Variants in MAP3K12 observed in about 807,000 individuals in gnomAD.
The protein encoded by MAP3K12 is mitogen-activated protein kinase kinase kinase 12.
MAP3K12 carries 14 observed loss-of-function variants against 87.5 expected under a neutral mutation model. The observed-to-expected ratio is 0.16, with a 90% CI of 0.11 to 0.25. The LOEUF is 0.25. MAP3K12 is among the 10% of genes least tolerant of loss of function. The pLI is 1.00. For synonymous variants in MAP3K12, 469 were observed against 452.5 expected, an observed-to-expected ratio of 1.04 and a Z score of -0.46; for missense variants, 802 against 1,140.4, an observed-to-expected ratio of 0.70 and a Z score of 4.27.
At chr12:53,483,276 C>T (rs1410494051) in intron 10 of MAP3K12, 73 bp downstream of exon 10, 77 of 1,580,246 alleles carry the variant, frequency 4.9e-5, no homozygotes, top group Non-Finnish European at 2.6e-6. Flanking sequence ...AAGTACACAT[C>T]TCCCTGCTAA....
rs1208495814 is a variant in MAP3K12, at chr12:53,483,381, A to G, written c.1581T>C (p.Asn527=). 3.1e-6 allele frequency: 5 copies of G among 1,614,076 alleles called. No individual in the cohort carries two copies. Among genetic ancestry groups the G allele is most frequent in the Non-Finnish European group, 4.2e-6 (5 of 1,180,024 alleles). ...TATGGGGTGACAGCTTCTGTGGCAC[A>G]TTCCTCTTCTTGATAAGCTTCTCCA... The part of the protein sequence containing the change: ...NTMEKLIKKR[N]VPQKLSPHSK... The change falls in exon 10 of 14, where the codon AAT becomes AAC. Residue 527 remains asparagine, a synonymous_variant. Transcript: ENST00000547488.
At position 53,479,915 on chromosome 12, in the gene MAP3K12, G is replaced by A. The variant is rs1055768202; in HGVS notation, c.*1267C>T. Reference sequence around the variant, plus strand: ...AAAGGACCCTTCTTGGGTTTTGAATGGAAGCCTTTATTCCGGTTAAGATGT... The same window carrying A: ...AAAGGACCCTTCTTGGGTTTTGAATAGAAGCCTTTATTCCGGTTAAGATGT... On this transcript the variant is annotated 3_prime_UTR_variant, in exon 14 of 14. Transcript: ENST00000547488. 1.3e-5 allele frequency: 2 copies of A among 152,312 alleles called. No individual in the cohort carries two copies. The highest frequency in any genetic ancestry group is 4.8e-5 in the African/African-American group (2 of 41,376). 9.4% of individuals were successfully genotyped at this position (152,312 alleles called of 1,614,324 possible).
In MAP3K12 at chr12:53,479,674, T is replaced by TTTTTTTTTTTTG; in HGVS notation, c.*1507_*1508insCAAAAAAAAAAA. ...TAGTTTTATAAGCTTCTCCCTGGTT[T>TTTTTTTTTTTTG]TTTTTTTTTGGCTCATGAATTTTTC... On this transcript the variant is annotated 3_prime_UTR_variant, in exon 14 of 14. Coordinates refer to ENST00000547488, the MANE Select transcript of MAP3K12 (RefSeq NM_001193511.2). 2.6e-6 allele frequency: 1 copy of TTTTTTTTTTTTG among 385,566 alleles called. No individual in the cohort carries two copies. The highest frequency in any genetic ancestry group is 4.6e-6 in the Non-Finnish European group (1 of 215,934). The allele number at this position is 385,566 out of a possible 1,614,324, so 23.9% of individuals were successfully genotyped here.
intron 6 of MAP3K12, chr12:53,484,712 G>A (rs1943177458): frequency 2.2e-6 from 1 of 448,762 alleles, no homozygotes; most frequent in Non-Finnish European, 4.0e-6. Context: ...TGAGGGTCTG[G>A]GGTCCTTTCC....
At position 53,481,098 on chromosome 12, in the gene MAP3K12, T is replaced by G; in HGVS notation, c.*84A>C. 1 of 578,896 alleles carries G rather than the reference T, an allele frequency of 1.7e-6. No homozygotes were observed. The highest frequency in any genetic ancestry group is 2.3e-6 in the Non-Finnish European group (1 of 426,494). The allele number at this position is 578,896 out of a possible 1,614,324, so 35.9% of individuals were successfully genotyped here. A position where few individuals can be genotyped will look rare whatever the true frequency, so the allele number is the denominator to read the frequency against. On this transcript the variant is annotated 3_prime_UTR_variant, in exon 14 of 14. Transcript: ENST00000547488. Reference sequence around the variant, plus strand: ...TGGGACAGCCCCATCTTTCTGTTGATTATGTGGCGCATATATATATATATA... The same window carrying G: ...TGGGACAGCCCCATCTTTCTGTTGAGTATGTGGCGCATATATATATATATA...
chr12:53,491,422 G>C (rs1943401400), intron 1 of MAP3K12, among the ~76,000 whole-genome samples: 1 of 150,854 alleles, frequency 6.6e-6, no homozygotes, highest in Admixed American at 6.6e-5. Flanking sequence ...CCGTTTTACA[G>C]ACTAAGGCAT....
intron 1 of MAP3K12, among the ~76,000 whole-genome samples, chr12:53,489,002 C>T: frequency 6.6e-6 from 1 of 151,038 alleles, no homozygotes; most frequent in East Asian, 1.9e-4. Context: ...ATCACTTGAA[C>T]CCCAGAGGTG....
At position 53,482,897 on chromosome 12, in the gene MAP3K12, G is replaced by T. The variant is rs1278127368; in HGVS notation, c.1906C>A (p.Leu636Ile). ...GGGGACGATGAAGACATTTTGCGGAGCAGGAGGTCATGATGAAGCCCACGG... is the reference window on the plus strand; with the variant it reads ...GGGGACGATGAAGACATTTTGCGGATCAGGAGGTCATGATGAAGCCCACGG... ...ALRGLHHDLL[L>I]RKMSSSSPDL... Residue 636 changes from leucine to isoleucine, a missense_variant, in exon 11 of 14, where the codon CTC (leucine) becomes ATC (isoleucine). By Grantham distance (5) the Leu-to-Ile change is conservative (BLOSUM62 2). Around this residue, in one of 5 missense-constraint regions of MAP3K12, gnomAD observed 490 missense variants for 496.6 expected, o/e 0.99. Transcript: ENST00000547488. 1.9e-6 allele frequency: 3 copies of T among 1,611,406 alleles called. No homozygotes were observed. The Admixed American group carries it at 5.0e-5, about 27-fold the overall frequency.
At chr12:53,489,153 G>GAAAC (rs111648716) in intron 1 of MAP3K12, among the ~76,000 whole-genome samples, 1,692 of 146,510 alleles carry the variant, frequency 0.012, 23 homozygotes, top group African/African-American at 0.04. Flanking sequence ...ACCAAAAATA[G>GAAAC]AAACAAACAA....
chr12:53,481,586 G>A lies in MAP3K12; in HGVS notation c.2581-306C>T, dbSNP rs1038895175. On this transcript the variant is annotated intron_variant, in intron 13 of 13. Coordinates refer to ENST00000547488, the MANE Select transcript of MAP3K12 (RefSeq NM_001193511.2). Reference sequence around the variant, plus strand: ...GCTGGTCTTGAACTCCTGACCTTGTGATCCACCCGCCTCGGCCTCCCAAAG... The same window carrying A: ...GCTGGTCTTGAACTCCTGACCTTGTAATCCACCCGCCTCGGCCTCCCAAAG... The A allele has an allele frequency of 3.1e-5, 10 of 320,198 alleles. No homozygotes were observed. The South Asian group carries it at 4.5e-4, about 14-fold the overall frequency. 19.8% of individuals were successfully genotyped at this position (320,198 alleles called of 1,614,324 possible). A position where few individuals can be genotyped will look rare whatever the true frequency, so the allele number is the denominator to read the frequency against.
Position 53,483,440 on chromosome 12 carries a change from G to A in MAP3K12, c.1522C>T (p.His508Tyr). Residue 508 changes from histidine (H) to tyrosine (Y), a missense_variant, in exon 10 of 14, where the codon CAC (histidine) becomes TAC (tyrosine). Physicochemically the swap from His to Tyr is moderately conservative, Grantham distance 83 (BLOSUM62 2). Coordinates refer to ENST00000547488, the MANE Select transcript of MAP3K12 (RefSeq NM_001193511.2). ...ERRCPGLLKP[H>Y]PSRGLLHGNT... ...CCATGCAGGAGGCCCCGGGAAGGGT[G>A]TGGCTTCAGCAGGCCTGGGCACCTC... 1.2e-6 allele frequency: 2 copies of A among 1,614,158 alleles called. No homozygotes were observed. Among genetic ancestry groups the A allele is most frequent in the Non-Finnish European group, 1.7e-6 (2 of 1,180,026 alleles).
At position 53,482,179 on chromosome 12, in the gene MAP3K12, A is replaced by C. The variant is rs1473283334; in HGVS notation, c.2342T>G (p.Leu781Arg). ...TGGATTCTCTGAGCTGAAGGTAGAT[A>C]GTGACTGGCGCATGTTCAGGCTCTG... ...WPQSLNMRQS[L>R]STFSSENPSD... is the part of the protein sequence containing the mutation. Residue 781 changes from leucine (L) to arginine (R), a missense_variant, in exon 13 of 14, where the codon CTA (leucine) becomes CGA (arginine). Leu to Arg is a moderately radical substitution (Grantham distance 102). This residue lies in a region of MAP3K12 where 490 missense variants were observed against 496.6 expected (regional missense o/e 0.99). Coordinates refer to ENST00000547488, the MANE Select transcript of MAP3K12 (RefSeq NM_001193511.2). The C allele has an allele frequency of 1.1e-5, 17 of 1,614,106 alleles. No homozygotes were observed. Among genetic ancestry groups the C allele is most frequent in the Non-Finnish European group, 1.4e-5 (16 of 1,180,040 alleles).
chr12:53,489,537 AC>A (rs1363446928), intron 1 of MAP3K12, among the ~76,000 whole-genome samples: 1 of 152,206 alleles, frequency 6.6e-6, no homozygotes, highest in Non-Finnish European at 1.5e-5. Flanking sequence ...CTTGTCAGTT[AC>A]CAGATCCTGA....
intron 6 of MAP3K12, 163 bp from the exon 7 acceptor site, chr12:53,484,528 A>C (rs553064932): frequency 5.1e-6 from 3 of 593,848 alleles, no homozygotes; most frequent in Admixed American, 6.2e-5. Context: ...ATTACACACT[A>C]TTCATTAGTG....
intron 13 of MAP3K12, 79 bp downstream of exon 13, chr12:53,481,862 C>G: frequency 6.5e-7 from 1 of 1,539,698 alleles, no homozygotes; most frequent in Middle Eastern, 2.4e-4. Flanking sequence ...AGCTGTCTCC[C>G]CAAAAGCTGT....
In MAP3K12 at chr12:53,485,232, T is replaced by C. The variant is rs1020419873; in HGVS notation, c.981-18A>G. 9 of 1,603,822 alleles carry C rather than the reference T, an allele frequency of 5.6e-6. No homozygotes were observed. In the Admixed American group the frequency reaches 6.7e-5, roughly 12 times the overall value. On this transcript the variant is annotated intron_variant, in intron 5 of 13. Coordinates refer to ENST00000547488, the MANE Select transcript of MAP3K12 (RefSeq NM_001193511.2). ...CAAAGGACCTAGGGATGAGGGGACA[T>C]CACTTGTGCTCAAGCCCTAGAAGTT...
rs985438487 is a variant in MAP3K12, at chr12:53,499,441, G to C, written c.-52C>G. ...CAGGCTCTCACCTCGGGGGCTCCGC[G>C]GCCGCAGCACAAAAGGCGGCGCTGC... On this transcript the variant is annotated 5_prime_UTR_variant, in exon 1 of 14. Transcript: ENST00000547488. 7.6e-6 allele frequency: 1 copy of C among 131,826 alleles called. No homozygotes were observed. The highest frequency in any genetic ancestry group is 3.0e-5 in the African/African-American group (1 of 33,858). 8.2% of individuals were successfully genotyped at this position (131,826 alleles called of 1,614,324 possible).
In MAP3K12 at chr12:53,483,445, T is replaced by G. The variant is rs1218485898; in HGVS notation, c.1517A>C (p.Lys506Thr). Reference sequence around the variant, plus strand: ...CAGGAGGCCCCGGGAAGGGTGTGGCTTCAGCAGGCCTGGGCACCTCCGCTC... The same window carrying G: ...CAGGAGGCCCCGGGAAGGGTGTGGCGTCAGCAGGCCTGGGCACCTCCGCTC... Reference protein sequence around the residue: ...ALERRCPGLLKPHPSRGLLHG... With the variant: ...ALERRCPGLLTPHPSRGLLHG... The change falls in exon 10 of 14, where the codon AAG becomes ACG. Residue 506 changes from lysine to threonine, a missense_variant. By Grantham distance (78) the Lys-to-Thr change is moderately conservative. Around this residue, in one of 5 missense-constraint regions of MAP3K12, gnomAD observed 99 missense variants for 193.4 expected, o/e 0.51. Coordinates refer to ENST00000547488, the MANE Select transcript of MAP3K12 (RefSeq NM_001193511.2). The G allele has an allele frequency of 1.9e-6, 3 of 1,614,138 alleles. No individual in the cohort carries two copies. The highest frequency in any genetic ancestry group is 2.2e-5 in the South Asian group (2 of 91,078).
At chr12:53,485,240 G>T (rs1169461648) in intron 5 of MAP3K12, 26 bp from the exon 6 acceptor site, 2 of 1,602,866 alleles carry the variant, frequency 1.2e-6, no homozygotes, top group Non-Finnish European at 1.7e-6. Flanking sequence ...CATCACTTGT[G>T]CTCAAGCCCT....
Sources: allele counts gnomAD v4.1 joint callset (sites outside exome capture counted in the v4.1 genomes callset), GRCh38; gene constraint gnomAD v4.1.1; regional missense constraint gnomAD v4.1.1; transcripts MANE v1.5; gene names NCBI Gene and HGNC (gene_info 2026-07-23, HGNC 2026-07-21).